SNX29: variants seen among roughly 807,000 people sequenced by gnomAD.
SNX29 encodes the protein sorting nexin 29.
Under a neutral mutation model 102.1 loss-of-function variants are expected in SNX29, and 78 were observed. The ratio of observed to expected loss-of-function variants is 0.76; its 90% CI spans 0.64 to 0.92. The LOEUF (loss-of-function observed/expected upper bound fraction) is 0.92. SNX29 is among the 40% of genes least tolerant of loss of function. The pLI is 0.00. For missense variants in SNX29, 1,280 were observed against 1,061.7 expected (o/e 1.21, Z -2.86); for synonymous variants, 580 against 414.5 (o/e 1.40, Z -4.85).
intron 13 of SNX29, among the ~76,000 whole-genome samples, chr16:12,198,849 G>A (rs377059178): frequency 6.6e-6 from 1 of 152,230 alleles, no homozygotes; most frequent in Non-Finnish European, 1.5e-5. Flanking sequence ...ATGGATGAAT[G>A]AATGAGTGGA....
At chr16:12,534,331 A>C (rs1461555032) in intron 20 of SNX29, among the ~76,000 whole-genome samples, 2 of 152,112 alleles carry the variant, frequency 1.3e-5, no homozygotes, top group African/African-American at 4.8e-5. Flanking sequence ...GTGCCCAGCC[A>C]AATGTCCTGG....
chr16:12,086,424 C>T (rs1219844208), intron 11 of SNX29, among the ~76,000 whole-genome samples: 1 of 152,012 alleles, frequency 6.6e-6, no homozygotes, highest in Non-Finnish European at 1.5e-5. Flanking sequence ...CTTATCATTA[C>T]TATTTTTGGA....
chr16:12,463,817 A>AGTGTGTGT (rs143006476), intron 18 of SNX29, among the ~76,000 whole-genome samples: 8,883 of 143,300 alleles, frequency 0.062, 357 homozygotes, highest in Non-Finnish European at 0.082. Flanking sequence ...TCCCGAAGTG[A>AGTGTGTGT]GTGTGTGTGT....
intron 14 of SNX29, among the ~76,000 whole-genome samples, chr16:12,273,578 G>A (rs978323305): frequency 6.6e-5 from 10 of 151,978 alleles, no homozygotes; most frequent in Admixed American, 5.9e-4. Flanking sequence ...AGCTGGTCTC[G>A]AACACTTGAC....
intron 15 of SNX29, among the ~76,000 whole-genome samples, chr16:12,281,475 A>G (rs1391243946): frequency 6.6e-6 from 1 of 152,210 alleles, no homozygotes; most frequent in Non-Finnish European, 1.5e-5. Context: ...CTGGAGGTAT[A>G]AAAATTGTTC....
intron 18 of SNX29, among the ~76,000 whole-genome samples, chr16:12,476,393 T>TATATATATATATATATACAC (rs2087621143): frequency 6.2e-5 from 1 of 16,072 alleles, no homozygotes; most frequent in Non-Finnish European, 9.1e-5. Context: ...AATATATATA[T>TATATATATATATATATACAC]ATATATATAT....
chr16:12,302,487 G>C (rs183201162), intron 15 of SNX29, among the ~76,000 whole-genome samples: 2 of 152,288 alleles, frequency 1.3e-5, no homozygotes, highest in East Asian at 3.9e-4. Flanking sequence ...AGGCAGATGT[G>C]GGGTCTGGTG....
intron 3 of SNX29, among the ~76,000 whole-genome samples, chr16:12,017,208 T>A (rs910878713): frequency 3.9e-5 from 6 of 152,226 alleles, no homozygotes; most frequent in Non-Finnish European, 5.9e-5. Context: ...CTATTGGCAA[T>A]ACCTATTTCC....
chr16:12,404,805 T>C (rs1266009634), intron 18 of SNX29, among the ~76,000 whole-genome samples: 2 of 152,152 alleles, frequency 1.3e-5, no homozygotes, highest in East Asian at 3.9e-4. Context: ...AGATTAGAAA[T>C]ACCTGGCCTG....
chr16:12,064,995 T>C (rs2050961923), intron 9 of SNX29, among the ~76,000 whole-genome samples: 2 of 152,108 alleles, frequency 1.3e-5, no homozygotes, highest in Non-Finnish European at 2.9e-5. Context: ...TCACTGACAG[T>C]GGGGATAGTT....
At chr16:12,391,690 A>G (rs2083535555) in intron 16 of SNX29, among the ~76,000 whole-genome samples, 1 of 152,126 alleles carries the variant, frequency 6.6e-6, no homozygotes, top group Admixed American at 6.5e-5. Flanking sequence ...TTTCATAGTA[A>G]ATTGCAGATG....
chr16:12,466,319 A>G (rs1221663698), intron 18 of SNX29, among the ~76,000 whole-genome samples: 1 of 152,246 alleles, frequency 6.6e-6, no homozygotes, highest in Non-Finnish European at 1.5e-5. Context: ...GTTGTCAGAT[A>G]CAAAGTCAGC....
chr16:12,549,940 T>A (rs1468334208), intron 20 of SNX29, among the ~76,000 whole-genome samples: 1 of 152,168 alleles, frequency 6.6e-6, no homozygotes, highest in Middle Eastern at 3.2e-3. Flanking sequence ...ACCTGTTTTT[T>A]ATAAGTAAAG....
At chr16:12,436,567 C>T (rs576431481) in intron 18 of SNX29, among the ~76,000 whole-genome samples, 333 of 152,362 alleles carry the variant, frequency 2.2e-3, no homozygotes, top group Non-Finnish European at 3.8e-3. Context: ...GCTGAGGGGC[C>T]TCTCTGAGCT....
chr16:12,571,796 A>G lies in SNX29; in HGVS notation c.*3167A>G, dbSNP rs3826104. On this transcript the variant is annotated 3_prime_UTR_variant, in exon 21 of 21. Coordinates refer to ENST00000566228, the MANE Select transcript of SNX29 (RefSeq NM_032167.5). ...AACCTTCTCCGCCACTCTTCCTGCA[A>G]TCAGTGTGAAATTCCAGCTTCTTTG... 8,034 of 1,011,394 alleles carry G rather than the reference A, an allele frequency of 7.9e-3. 597 individuals are homozygous for G. In the East Asian group the frequency reaches 0.17, roughly 22 times the overall value. 62.7% of individuals were successfully genotyped at this position (1,011,394 alleles called of 1,614,324 possible).
At chr16:12,218,883 T>C (rs921121464) in intron 14 of SNX29, among the ~76,000 whole-genome samples, 3 of 152,132 alleles carry the variant, frequency 2.0e-5, no homozygotes, top group African/African-American at 7.2e-5. Flanking sequence ...CACGCCATTC[T>C]CCTGCCTCAG....
chr16:12,567,544 G>T (rs557920566), intron 20 of SNX29, among the ~76,000 whole-genome samples: 2 of 152,036 alleles, frequency 1.3e-5, no homozygotes, highest in Admixed American at 1.3e-4. Flanking sequence ...CAGCACTTTA[G>T]GAGGCTGAGC....
intron 14 of SNX29, among the ~76,000 whole-genome samples, chr16:12,209,979 G>A (rs1287658655): frequency 2.0e-5 from 3 of 152,064 alleles, no homozygotes; most frequent in African/African-American, 7.2e-5. Flanking sequence ...TGAAGTCCTG[G>A]TTCAGTTTCT....
At chr16:12,230,750 A>G (rs2077743359) in intron 14 of SNX29, among the ~76,000 whole-genome samples, 1 of 152,168 alleles carries the variant, frequency 6.6e-6, no homozygotes, top group Non-Finnish European at 1.5e-5. Context: ...CCTAGAAACT[A>G]TTTGGGCTGC....
Sources: allele counts gnomAD v4.1 joint callset (sites outside exome capture counted in the v4.1 genomes callset), GRCh38; gene constraint gnomAD v4.1.1; transcripts MANE v1.5; gene names NCBI Gene and HGNC (gene_info 2026-07-23, HGNC 2026-07-21).